The following ABLIM1 variants were observed in gnomAD, a reference collection of about 807,000 sequenced individuals.
The protein encoded by ABLIM1 is actin-binding LIM protein 1.
Under a neutral mutation model 107.0 loss-of-function variants are expected in ABLIM1, and 40 were observed. That is an observed-to-expected ratio of 0.37 (90% CI 0.29 to 0.49). ABLIM1 has a LOEUF of 0.49. Ranked by LOEUF, ABLIM1 falls within the 20% of genes least tolerant of loss-of-function variation. The pLI is 0.97. For synonymous variants in ABLIM1, 357 were observed against 357.3 expected, an observed-to-expected ratio of 1.00 and a Z score of 0.01; for missense variants, 857 against 1,008.5, an observed-to-expected ratio of 0.85 and a Z score of 2.04.
chr10:114,446,459 G>T (rs995357443), intron 15 of ABLIM1, among the ~76,000 whole-genome samples: 2 of 152,200 alleles, frequency 1.3e-5, no homozygotes, highest in African/African-American at 4.8e-5. Context: ...TGTCTGAATG[G>T]TTGAGAGGTT....
At chr10:114,728,250 G>A (rs565423936) in intron 1 of ABLIM1, among the ~76,000 whole-genome samples, 31 of 152,212 alleles carry the variant, frequency 2.0e-4, no homozygotes, top group African/African-American at 7.0e-4. Context: ...GTGGAGAAAC[G>A]GGAACGCTTT....
intron 1 of ABLIM1, chr10:114,690,312 G>A: frequency 1.3e-6 from 2 of 1,595,944 alleles, no homozygotes; most frequent in Middle Eastern, 1.7e-4. Flanking sequence ...GAAAAACTGG[G>A]AACCGTTTGT....
intron 21 of ABLIM1, 88 bp downstream of exon 21, chr10:114,439,088 A>T: frequency 6.6e-7 from 1 of 1,509,492 alleles, no homozygotes; most frequent in Non-Finnish European, 9.2e-7. Context: ...AGCCTACAAC[A>T]CTTTGAGAAT....
intron 6 of ABLIM1, among the ~76,000 whole-genome samples, chr10:114,543,646 G>C (rs559961449): frequency 6.6e-6 from 1 of 152,272 alleles, no homozygotes; most frequent in Admixed American, 6.5e-5. Flanking sequence ...CAACAACCTG[G>C]TCTAATCACA....
At chr10:114,709,112 G>A (rs2081488151) in intron 1 of ABLIM1, among the ~76,000 whole-genome samples, 1 of 152,162 alleles carries the variant, frequency 6.6e-6, no homozygotes, top group African/African-American at 2.4e-5. Flanking sequence ...AGCTATTACT[G>A]CAAATTGTGG....
intron 6 of ABLIM1, among the ~76,000 whole-genome samples, chr10:114,501,793 CAG>C (rs375187930): frequency 1.6e-4 from 24 of 152,350 alleles, no homozygotes; most frequent in African/African-American, 5.3e-4. Context: ...CGTCCCCCAA[CAG>C]AGTGGTGCAT....
chr10:114,634,400 G>A (rs1458952355), intron 1 of ABLIM1, among the ~76,000 whole-genome samples: 1 of 151,778 alleles, frequency 6.6e-6, no homozygotes, highest in Non-Finnish European at 1.5e-5. Context: ...CCAAAGTGCT[G>A]GGATTACAGG....
In ABLIM1 at chr10:114,544,991, G is replaced by A. The variant is rs748081643; in HGVS notation, c.894+14C>T. The A allele has an allele frequency of 1.6e-5, 25 of 1,612,786 alleles. No homozygotes were observed. The highest frequency in any genetic ancestry group is 5.3e-5 in the African/African-American group (4 of 74,836). ...AGATGGCGGTAGCTATGAGGGAGCC[G>A]GTCTGCCACTTACCTCCAGGACTTT... On this transcript the variant is annotated intron_variant, in intron 6 of 22. Coordinates refer to ENST00000533213, the MANE Select transcript of ABLIM1 (RefSeq NM_002313.7).
chr10:114,630,389 A>AC (rs1219889935), intron 1 of ABLIM1, among the ~76,000 whole-genome samples: 1 of 152,108 alleles, frequency 6.6e-6, no homozygotes, highest in Non-Finnish European at 1.5e-5. Flanking sequence ...TCCTGGAAGC[A>AC]CCCCCAAAAG....
At chr10:114,478,622 C>G (rs1352726122) in intron 8 of ABLIM1, among the ~76,000 whole-genome samples, 1 of 152,168 alleles carries the variant, frequency 6.6e-6, no homozygotes, top group East Asian at 1.9e-4. Context: ...TCCCCTTTGC[C>G]TTCTGCCATG....
intron 1 of ABLIM1, among the ~76,000 whole-genome samples, chr10:114,722,231 C>T (rs1591887198): frequency 6.6e-6 from 1 of 152,088 alleles, no homozygotes; most frequent in African/African-American, 2.4e-5. Context: ...GCTGGGGAGG[C>T]CTCAGGAAAC....
intron 1 of ABLIM1, among the ~76,000 whole-genome samples, chr10:114,636,203 A>G (rs1050778963): frequency 1.3e-5 from 2 of 152,210 alleles, no homozygotes; most frequent in Non-Finnish European, 2.9e-5. Context: ...AAGTGCAGAA[A>G]GAGGGAAAGT....
chr10:114,789,993 A>G, the ABLIM1 span, among the ~76,000 whole-genome samples: 1 of 152,178 alleles, frequency 6.6e-6, no homozygotes. Context: ...GCGTTTCGCC[A>G]TGTTGGCCAG....
intron 4 of ABLIM1, among the ~76,000 whole-genome samples, chr10:114,560,348 T>C (rs2069507090): frequency 6.6e-6 from 1 of 152,208 alleles, no homozygotes; most frequent in South Asian, 2.1e-4. Context: ...CACCACATAA[T>C]GATGTTTGGG....
intron 2 of ABLIM1, among the ~76,000 whole-genome samples, chr10:114,584,939 A>C (rs913462383): frequency 6.6e-6 from 1 of 152,244 alleles, no homozygotes; most frequent in Non-Finnish European, 1.5e-5. Context: ...CTTCGTGTCC[A>C]AACAATATTA....
chr10:114,479,315 T>C (rs1004108804), intron 8 of ABLIM1, among the ~76,000 whole-genome samples: 8 of 152,198 alleles, frequency 5.3e-5, no homozygotes, highest in African/African-American at 1.9e-4. Context: ...TTCATGAATA[T>C]TCCTTTCATA....
chr10:114,572,079 T>C (rs1322656211), intron 3 of ABLIM1, among the ~76,000 whole-genome samples: 1 of 152,270 alleles, frequency 6.6e-6, no homozygotes, highest in Non-Finnish European at 1.5e-5. Context: ...AAATATTGCC[T>C]TCTGCATGTA....
At chr10:114,526,175 T>C (rs1447353986) in intron 6 of ABLIM1, among the ~76,000 whole-genome samples, 1 of 152,188 alleles carries the variant, frequency 6.6e-6, no homozygotes, top group East Asian at 1.9e-4. Context: ...AAAAATCTCA[T>C]AATTTACAGT....
chr10:114,509,436 C>T (rs1259980867), intron 6 of ABLIM1, among the ~76,000 whole-genome samples: 1 of 152,180 alleles, frequency 6.6e-6, no homozygotes, highest in African/African-American at 2.4e-5. Context: ...TATCCTTCCT[C>T]CCGTGCTGTT....
Sources: gnomAD v4.1 joint callset for allele counts (sites outside exome capture counted in the v4.1 genomes callset) on GRCh38, gnomAD v4.1.1 for gene constraint, MANE v1.5 for transcripts, NCBI Gene and HGNC (gene_info 2026-07-23, HGNC 2026-07-21) for gene names.